The following HEATR4 variants were observed in gnomAD, a reference collection of about 807,000 sequenced individuals.
HEATR4 encodes the protein HEAT repeat containing 4.
In HEATR4, 95 loss-of-function variants were observed where a neutral mutation model predicts 108.8. That is an observed-to-expected ratio of 0.87 (90% CI 0.74 to 1.04). The LOEUF (loss-of-function observed/expected upper bound fraction) is 1.04. Ranked by LOEUF, HEATR4 falls within the 50% of genes least tolerant of loss-of-function variation. The probability of loss-of-function intolerance (pLI) is 0.00; values close to 1 mark genes in which losing one functional copy is unlikely to be tolerated. For missense variants in HEATR4, 1,152 were observed against 1,253.8 expected (o/e 0.92, Z 1.23); for synonymous variants, 443 against 459.4 (o/e 0.96, Z 0.46).
At chr14:73,508,047 A>C (rs1886962929) in intron 9 of HEATR4, 87 bp downstream of exon 9, 1 of 1,275,142 alleles carries the variant, frequency 7.8e-7, no homozygotes, top group Non-Finnish European at 1.1e-6. Flanking sequence ...CCCCGGCCCC[A>C]GCTGCATTTC....
At position 73,506,570 on chromosome 14, in the gene HEATR4, G is replaced by A. The variant is rs1231575055; in HGVS notation, c.1883C>T (p.Thr628Ile). 6.2e-7 allele frequency: 1 copy of A among 1,611,166 alleles called. No homozygotes were observed. The highest frequency in any genetic ancestry group is 2.2e-5 in the East Asian group (1 of 44,866). ...ILLSYLSEKT[T>I]LIHTMLAVEL... Reference sequence around the variant, plus strand: ...CACAGCAAGCATGGTGTGTATCAGGGTCTGAGGAAATGGAAGACTTGTATG... The same window carrying A: ...CACAGCAAGCATGGTGTGTATCAGGATCTGAGGAAATGGAAGACTTGTATG... Residue 628 changes from threonine (T) to isoleucine (I), a missense_variant and splice_region_variant, in exon 10 of 18, where the codon ACC (threonine) becomes ATC (isoleucine). Coordinates refer to ENST00000553558, the MANE Select transcript of HEATR4 (RefSeq NM_001220484.1).
the HEATR4 span, among the ~76,000 whole-genome samples, chr14:73,602,927 C>G: frequency 2.0e-5 from 3 of 152,106 alleles, no homozygotes; most frequent in Non-Finnish European, 4.4e-5. Flanking sequence ...TTTTGGGAAG[C>G]CTGTTAAATA....
intron 8 of HEATR4, among the ~76,000 whole-genome samples, chr14:73,508,710 C>A (rs1021539889): frequency 1.5e-5 from 2 of 129,042 alleles, no homozygotes; most frequent in African/African-American, 5.9e-5. Flanking sequence ...GAGATCCCAC[C>A]ATTGCACTCC....
chr14:73,491,033 G>T (rs375354682), intron 17 of HEATR4: 2 of 1,560,234 alleles, frequency 1.3e-6, no homozygotes, highest in Non-Finnish European at 1.7e-6. Flanking sequence ...TGGGCTCCAG[G>T]CCAGTGCAGG....
chr14:73,486,891 A>G (rs1265554381), intron 17 of HEATR4, among the ~76,000 whole-genome samples: 2 of 152,168 alleles, frequency 1.3e-5, no homozygotes, highest in East Asian at 3.8e-4. Flanking sequence ...TACTATGTAC[A>G]CTTAAACATC....
intron 17 of HEATR4, among the ~76,000 whole-genome samples, chr14:73,485,234 A>G (rs1000241455): frequency 2.0e-5 from 3 of 152,136 alleles, no homozygotes; most frequent in African/African-American, 7.2e-5. Flanking sequence ...TTTTTTAAGC[A>G]AAAAATGGGA....
chr14:73,525,093 G>T (rs527568091), intron 2 of HEATR4, among the ~76,000 whole-genome samples: 1 of 151,984 alleles, frequency 6.6e-6, no homozygotes. Context: ...GCACTGGCAC[G>T]ATCATAGCTC....
At chr14:73,592,173 T>C in the HEATR4 span, 2 of 1,604,908 alleles carry the variant, frequency 1.2e-6, no homozygotes, top group Non-Finnish European at 1.7e-6. Flanking sequence ...GGGCGGCAGC[T>C]TCGCGGGACT....
chr14:73,588,269 G>C, the HEATR4 span, among the ~76,000 whole-genome samples: 1 of 151,898 alleles, frequency 6.6e-6, no homozygotes, highest in African/African-American at 2.4e-5. Context: ...CAAGGTGCTG[G>C]GATTACAGGC....
the HEATR4 span, among the ~76,000 whole-genome samples, chr14:73,610,523 C>T: frequency 6.6e-6 from 1 of 151,940 alleles, no homozygotes; most frequent in East Asian, 1.9e-4. Flanking sequence ...ACTCCTGACC[C>T]CAAGTCATCC....
At chr14:73,513,562 C>T (rs1173124863) in intron 6 of HEATR4, among the ~76,000 whole-genome samples, 1 of 151,346 alleles carries the variant, frequency 6.6e-6, no homozygotes, top group Admixed American at 6.6e-5. Context: ...CCCATCTCTA[C>T]CAAAGATACA....
At chr14:73,589,931 T>G in the HEATR4 span, among the ~76,000 whole-genome samples, 2 of 152,152 alleles carry the variant, frequency 1.3e-5, no homozygotes, top group Non-Finnish European at 2.9e-5. Context: ...TGTCTGGAGT[T>G]GTTCGTTCCT....
chr14:73,606,387 A>AAC, the HEATR4 span, among the ~76,000 whole-genome samples: 2 of 62,258 alleles, frequency 3.2e-5, no homozygotes, highest in African/African-American at 7.5e-5. Flanking sequence ...AACAAAACAA[A>AAC]AAAAAAAAAA....
the HEATR4 span, chr14:73,591,868 A>T: frequency 2.4e-6 from 3 of 1,227,212 alleles, no homozygotes; most frequent in South Asian, 5.1e-5. Flanking sequence ...GCACCAGGGG[A>T]CGCCGGACGC....
chr14:73,617,303 C>G, the HEATR4 span: 1 of 1,421,392 alleles, frequency 7.0e-7, no homozygotes, highest in Non-Finnish European at 9.9e-7. Flanking sequence ...CAGGAGATAC[C>G]AAGTCTCCTT....
chr14:73,514,433 G>A (rs144667467), intron 5 of HEATR4, among the ~76,000 whole-genome samples, 199 bp from the exon 6 acceptor site: 1 of 152,252 alleles, frequency 6.6e-6, no homozygotes, highest in East Asian at 1.9e-4. Context: ...ACTAGACATG[G>A]TAAGCCATGA....
the HEATR4 span, among the ~76,000 whole-genome samples, chr14:73,565,842 A>T: frequency 6.6e-6 from 1 of 152,038 alleles, no homozygotes. Context: ...GAACGAAAGA[A>T]CAAAGTTTCC....
chr14:73,537,277 T>C lies in HEATR4; in HGVS notation c.-151-7033A>G, dbSNP rs1233795352. The C allele has an allele frequency of 1.5e-4, 107 of 730,464 alleles. 22 individuals are homozygous for C. In the South Asian group the frequency reaches 2.1e-3, roughly 14 times the overall value. 45.2% of individuals were successfully genotyped at this position (730,464 alleles called of 1,614,324 possible). ...TTGGTCTGGCTGATCGGCTGGACTC[T>C]GGCCTTCCCCGCTCACATTAGCAGA... is the stretch of plus-strand genomic sequence containing the variant. On this transcript the variant is annotated intron_variant, in intron 1 of 17. Transcript: ENST00000553558.
At chr14:73,528,107 TAAG>T (rs1373297986) in intron 2 of HEATR4, among the ~76,000 whole-genome samples, 1 of 151,290 alleles carries the variant, frequency 6.6e-6, no homozygotes, top group African/African-American at 2.4e-5. Flanking sequence ...TAGAAATTCT[TAAG>T]GAGGCTATGC....
Sources: allele counts gnomAD v4.1 joint callset (sites outside exome capture counted in the v4.1 genomes callset), GRCh38; gene constraint gnomAD v4.1.1; transcripts MANE v1.5; gene names NCBI Gene and HGNC (gene_info 2026-07-23, HGNC 2026-07-21).